Variants in ITGA9 observed in about 807,000 individuals in gnomAD.
ITGA9 encodes the protein integrin subunit alpha 9.
Under a neutral mutation model 127.8 loss-of-function variants are expected in ITGA9, and 56 were observed. The observed-to-expected ratio is 0.44, with a 90% confidence interval of 0.35 to 0.55. The LOEUF is 0.55. Ranked by LOEUF, ITGA9 falls within the 20% of genes least tolerant of loss-of-function variation. The pLI is 0.00. For synonymous variants in ITGA9, 508 were observed against 514.5 expected (o/e 0.99, Z 0.17); for missense variants, 1,196 against 1,347.1 (o/e 0.89, Z 1.76).
intron 9 of ITGA9, 49 bp downstream of exon 9, chr3:37,513,949 T>A: frequency 1.9e-6 from 3 of 1,610,610 alleles, no homozygotes; most frequent in Non-Finnish European, 2.5e-6. Context: ...GGAGGGACAT[T>A]TGTCCAGCCA....
rs1379765513 is a variant in ITGA9 at position 37,787,342 on chromosome 3, T to C, written c.2889+2264T>C. ...TCCATTATAGGACTAGACTGTGGGA[T>C]CCAGGAAAATGTTGCTTAACATCTC... On this transcript the variant is annotated intron_variant, in intron 26 of 27. Transcript: ENST00000264741. Among the ~76,000 whole-genome samples, 4 of 152,092 alleles carry C rather than the reference T, an allele frequency of 2.6e-5. No individual in the cohort carries two copies. The East Asian group carries it at 7.7e-4, about 29-fold the overall frequency.
chr3:37,525,931 A>C, intron 12 of ITGA9, 95 bp from the exon 13 acceptor site: 1 of 1,008,616 alleles, frequency 9.9e-7, no homozygotes, highest in Non-Finnish European at 1.6e-6. Flanking sequence ...CTCCGGCCTC[A>C]AGGCTGGGTC....
chr3:37,617,354 C>A (rs1008322198), intron 15 of ITGA9, among the ~76,000 whole-genome samples: 5 of 152,340 alleles, frequency 3.3e-5, no homozygotes, highest in African/African-American at 1.2e-4. Context: ...ATGGGCTTCC[C>A]TTTGTGGGTA....
At chr3:37,621,536 G>T (rs918606964) in intron 15 of ITGA9, among the ~76,000 whole-genome samples, 2 of 152,184 alleles carry the variant, frequency 1.3e-5, no homozygotes, top group Non-Finnish European at 2.9e-5. Flanking sequence ...CTGAGATCCA[G>T]TTCCTACAGC....
At chr3:37,619,182 ACT>A (rs144343953) in intron 15 of ITGA9, among the ~76,000 whole-genome samples, 5,952 of 152,044 alleles carry the variant, frequency 0.039, 158 homozygotes, top group Non-Finnish European at 0.06. Flanking sequence ...TCAAAATGAG[ACT>A]CTGCATGTAA....
intron 2 of ITGA9, among the ~76,000 whole-genome samples, chr3:37,471,845 G>A (rs1405045139): frequency 6.6e-6 from 1 of 152,186 alleles, no homozygotes; most frequent in African/African-American, 2.4e-5. Context: ...CTTGAGCCCA[G>A]AAGTTCAAGA....
At chr3:37,563,410 C>G (rs925356235) in intron 15 of ITGA9, among the ~76,000 whole-genome samples, 1 of 152,192 alleles carries the variant, frequency 6.6e-6, no homozygotes, top group African/African-American at 2.4e-5. Context: ...TGGACTGAAG[C>G]AGTACATTTT....
At chr3:37,609,527 G>A (rs910067479) in intron 15 of ITGA9, among the ~76,000 whole-genome samples, 9 of 152,192 alleles carry the variant, frequency 5.9e-5, no homozygotes, top group African/African-American at 2.2e-4. Flanking sequence ...ATCAAGGAAT[G>A]ACATGGTCCC....
chr3:37,761,453 G>A (rs559625644), intron 23 of ITGA9, among the ~76,000 whole-genome samples: 3 of 152,188 alleles, frequency 2.0e-5, no homozygotes, highest in Non-Finnish European at 4.4e-5. Context: ...TGGTGAAGCA[G>A]AATATAACTT....
chr3:37,459,858 C>G (rs1698297974), intron 1 of ITGA9, among the ~76,000 whole-genome samples: 1 of 152,176 alleles, frequency 6.6e-6, no homozygotes, highest in Admixed American at 6.5e-5. Flanking sequence ...AGTAGCTTCT[C>G]TGCGGCACCC....
intron 15 of ITGA9, among the ~76,000 whole-genome samples, chr3:37,621,475 A>G (rs545790083): frequency 6.6e-5 from 10 of 152,330 alleles, no homozygotes; most frequent in African/African-American, 2.4e-4. Flanking sequence ...ATGCTTTTGG[A>G]CAAGAGCATG....
intron 9 of ITGA9, among the ~76,000 whole-genome samples, chr3:37,515,433 C>T (rs1437020544): frequency 6.6e-6 from 1 of 152,112 alleles, no homozygotes; most frequent in Non-Finnish European, 1.5e-5. Context: ...ATTGTTAGAG[C>T]CTTATGTTGC....
intron 8 of ITGA9, among the ~76,000 whole-genome samples, chr3:37,509,254 A>G (rs1698876949): frequency 6.6e-6 from 1 of 152,188 alleles, no homozygotes; most frequent in African/African-American, 2.4e-5. Context: ...GAAAGTTTCC[A>G]TTATACTGCC....
At chr3:37,516,244 T>A (rs1052937990) in intron 9 of ITGA9, among the ~76,000 whole-genome samples, 1 of 152,226 alleles carries the variant, frequency 6.6e-6, no homozygotes, top group Non-Finnish European at 1.5e-5. Flanking sequence ...AGTACCAGAG[T>A]ATTCTCATTT....
chr3:37,653,682 G>A, intron 16 of ITGA9, 32 bp from the exon 17 acceptor site: 1 of 1,526,332 alleles, frequency 6.6e-7, no homozygotes, highest in Non-Finnish European at 9.1e-7. Flanking sequence ...ACTCAATCCT[G>A]CCCTAACCTT....
intron 23 of ITGA9, among the ~76,000 whole-genome samples, chr3:37,758,348 A>AAAAAAG (rs1458416783): frequency 6.7e-6 from 1 of 148,592 alleles, no homozygotes; most frequent in Non-Finnish European, 1.5e-5. Flanking sequence ...AAAAAAAAAA[A>AAAAAAG]AAAAATTGCA....
chr3:37,748,940 A>G, intron 22 of ITGA9: 1 of 382,890 alleles, frequency 2.6e-6, no homozygotes, highest in Non-Finnish European at 4.9e-6. Context: ...TGGACTGTTT[A>G]AAAAAAAAAA....
In ITGA9 at chr3:37,461,765, T is replaced by A. The variant is rs1698318757; in HGVS notation, c.185+9206T>A. 2.0e-5 allele frequency among the ~76,000 whole-genome samples: 3 copies of A among 152,204 alleles called. No individual in the cohort carries two copies. In the South Asian group the frequency reaches 6.2e-4, roughly 31 times the overall value. The stretch of plus-strand genomic sequence containing the variant: ...ACACCCTGTCTGCTTCCAAAAAGGA[T>A]CTGAGATGGCTACTTTAAATGGAGA... On this transcript the variant is annotated intron_variant, in intron 1 of 27. Transcript: ENST00000264741.
At chr3:37,492,888 A>G (rs1173144802) in intron 4 of ITGA9, among the ~76,000 whole-genome samples, 1 of 152,148 alleles carries the variant, frequency 6.6e-6, no homozygotes, top group Non-Finnish European at 1.5e-5. Context: ...TATTTGATGC[A>G]GGATTTATTA....
Sources: gnomAD v4.1 joint callset for allele counts (sites outside exome capture counted in the v4.1 genomes callset) on GRCh38, gnomAD v4.1.1 for gene constraint, MANE v1.5 for transcripts, NCBI Gene and HGNC (gene_info 2026-07-23, HGNC 2026-07-21) for gene names.